L3MBTL4: variants seen among roughly 807,000 people sequenced by gnomAD.
L3MBTL4 encodes the protein L3MBTL histone methyl-lysine binding protein 4, also known as lethal(3)malignant brain tumor-like protein 4.
L3MBTL4 carries 70 observed loss-of-function variants against 84.5 expected under a neutral mutation model. That is an observed-to-expected ratio of 0.83 (90% CI 0.68 to 1.01). The LOEUF is 1.01. Among genes scored for constraint, L3MBTL4 ranks in the 50% least tolerant of loss-of-function variants. The pLI is 0.00. For missense variants in L3MBTL4, 715 were observed against 754.8 expected, an observed-to-expected ratio of 0.95 and a Z score of 0.62; for synonymous variants, 274 against 259.8, an observed-to-expected ratio of 1.05 and a Z score of -0.52.
chr18:6,393,487 G>A (rs1182565442), intron 1 of L3MBTL4, among the ~76,000 whole-genome samples: 1 of 152,156 alleles, frequency 6.6e-6, no homozygotes, highest in Non-Finnish European at 1.5e-5. Flanking sequence ...CATTTATTGA[G>A]TACCAACCGC....
At chr18:6,096,270 T>C (rs1433921324) in intron 14 of L3MBTL4, among the ~76,000 whole-genome samples, 1 of 152,214 alleles carries the variant, frequency 6.6e-6, no homozygotes, top group African/African-American at 2.4e-5. Context: ...CATTCATGAA[T>C]CAGTCTCTCT....
chr18:5,990,196 C>T (rs1179052723), intron 16 of L3MBTL4, among the ~76,000 whole-genome samples: 1 of 152,192 alleles, frequency 6.6e-6, no homozygotes, highest in Non-Finnish European at 1.5e-5. Context: ...TCTTGTTCTA[C>T]AGGAAGGTTA....
At chr18:6,297,703 A>G (rs936820164) in intron 4 of L3MBTL4, among the ~76,000 whole-genome samples, 1 of 152,224 alleles carries the variant, frequency 6.6e-6, no homozygotes, top group Non-Finnish European at 1.5e-5. Flanking sequence ...ATAATTGGAA[A>G]ATATAGACAA....
chr18:5,983,731 A>G (rs572933), intron 16 of L3MBTL4, among the ~76,000 whole-genome samples: 43,125 of 151,922 alleles, frequency 0.28, 6,769 homozygotes, highest in East Asian at 0.65. Context: ...AGACACAGCA[A>G]GTTTCTGAGG....
chr18:6,007,544 T>C (rs918218190), intron 16 of L3MBTL4, among the ~76,000 whole-genome samples: 1 of 152,228 alleles, frequency 6.6e-6, no homozygotes, highest in Non-Finnish European at 1.5e-5. Flanking sequence ...TGTTGGGTGA[T>C]TGGTTATTAA....
chr18:6,093,700 T>A (rs2143667215), intron 14 of L3MBTL4, among the ~76,000 whole-genome samples, 172 bp from the exon 15 acceptor site: 1 of 152,336 alleles, frequency 6.6e-6, no homozygotes, highest in East Asian at 1.9e-4. Flanking sequence ...TGAGAAAATC[T>A]CAGGTTCTAG....
chr18:5,998,964 A>G (rs73374497), intron 16 of L3MBTL4, among the ~76,000 whole-genome samples: 2,681 of 152,306 alleles, frequency 0.018, 63 homozygotes, highest in African/African-American at 0.06. Flanking sequence ...AAATCAAGAC[A>G]AAATGAAATG....
At chr18:6,078,979 C>T (rs1185574525) in intron 16 of L3MBTL4, among the ~76,000 whole-genome samples, 1 of 152,096 alleles carries the variant, frequency 6.6e-6, no homozygotes, top group Non-Finnish European at 1.5e-5. Flanking sequence ...ACTGTTCGTG[C>T]TCCTATGAGG....
At chr18:5,988,798 A>T (rs1321164361) in intron 16 of L3MBTL4, among the ~76,000 whole-genome samples, 1 of 152,216 alleles carries the variant, frequency 6.6e-6, no homozygotes, top group Non-Finnish European at 1.5e-5. Context: ...ATACCAATTA[A>T]AAGAGTTTCT....
chr18:6,303,874 C>T (rs1303531386), intron 3 of L3MBTL4, among the ~76,000 whole-genome samples: 6 of 151,956 alleles, frequency 3.9e-5, no homozygotes, highest in Non-Finnish European at 5.9e-5. Context: ...ATTAGCCGGG[C>T]GTAGTGGCGG....
intron 1 of L3MBTL4, among the ~76,000 whole-genome samples, chr18:6,334,696 A>C (rs1315078064): frequency 6.6e-6 from 1 of 152,166 alleles, no homozygotes; most frequent in Non-Finnish European, 1.5e-5. Flanking sequence ...TTTTTACAGG[A>C]ATGTCATACA....
chr18:6,052,866 G>A (rs994376160), intron 16 of L3MBTL4, among the ~76,000 whole-genome samples: 3 of 152,220 alleles, frequency 2.0e-5, no homozygotes, highest in African/African-American at 2.4e-5. Flanking sequence ...TGCAGTGGAC[G>A]AAATCGTGCT....
chr18:6,065,646 C>T (rs1450485616), intron 16 of L3MBTL4, among the ~76,000 whole-genome samples: 1 of 151,916 alleles, frequency 6.6e-6, no homozygotes, highest in Non-Finnish European at 1.5e-5. Context: ...TAAAAGTGTT[C>T]ATAGTAGCCT....
chr18:6,233,742 C>T (rs185943871), intron 10 of L3MBTL4, among the ~76,000 whole-genome samples: 2,156 of 152,096 alleles, frequency 0.014, 58 homozygotes, highest in African/African-American at 0.05. Flanking sequence ...CCATACTGCC[C>T]CAGGTAATTT....
At chr18:6,059,612 C>A (rs2057138647) in intron 16 of L3MBTL4, among the ~76,000 whole-genome samples, 1 of 140,218 alleles carries the variant, frequency 7.1e-6, no homozygotes, top group South Asian at 2.3e-4. Flanking sequence ...TATTAAAAAC[C>A]AAGCTAAAAA....
At chr18:6,055,707 C>T (rs772074393) in intron 16 of L3MBTL4, among the ~76,000 whole-genome samples, 4 of 152,124 alleles carry the variant, frequency 2.6e-5, no homozygotes, top group African/African-American at 9.7e-5. Flanking sequence ...AAAACCTCTG[C>T]AATTTAGCCA....
chr18:6,343,936 C>T (rs1203052173), intron 1 of L3MBTL4, among the ~76,000 whole-genome samples: 1 of 143,648 alleles, frequency 7.0e-6, no homozygotes, highest in East Asian at 2.1e-4. Flanking sequence ...TAAATGCCTC[C>T]ATTACAAAAT....
intron 16 of L3MBTL4, among the ~76,000 whole-genome samples, chr18:6,078,484 G>A (rs953561051): frequency 8.7e-5 from 13 of 150,204 alleles, no homozygotes; most frequent in African/African-American, 3.2e-4. Context: ...CATGGGTACT[G>A]GATATTATGA....
chr18:5,956,529 A>ATTC, intron 18 of L3MBTL4, 142 bp from the exon 19 acceptor site: 1 of 684,896 alleles, frequency 1.5e-6, no homozygotes, highest in Non-Finnish European at 2.5e-6. Flanking sequence ...GAATGACGGT[A>ATTC]GCTCTCACTC....
Sources: allele counts gnomAD v4.1 joint callset (sites outside exome capture counted in the v4.1 genomes callset), GRCh38; gene constraint gnomAD v4.1.1; transcripts MANE v1.5; gene names NCBI Gene and HGNC (gene_info 2026-07-23, HGNC 2026-07-21).